Variants in ZEB2 observed in about 807,000 individuals in gnomAD.
ZEB2 encodes the protein zinc finger E-box-binding homeobox 2.
In ZEB2, 6 loss-of-function variants were observed where a neutral mutation model predicts 99.9. The ratio of observed to expected loss-of-function variants is 0.06; its 90% confidence interval spans 0.03 to 0.12. ZEB2 has a LOEUF of 0.12. ZEB2 is among the 10% of genes least tolerant of loss of function. The pLI, the probability that ZEB2 is intolerant of heterozygous loss-of-function variation, is 1.00. For synonymous variants in ZEB2, 517 were observed against 542.5 expected (o/e 0.95, Z 0.65); for missense variants, 969 against 1,502.8 (o/e 0.64, Z 5.87).
At chr2:144,430,791 A>AGT (rs1426625861) in intron 2 of ZEB2, 1 of 152,970 alleles carries the variant, frequency 6.5e-6, no homozygotes, top group East Asian at 1.9e-4. Context: ...AGCAATGCTC[A>AGT]GTAGCTTTTC....
chr2:144,410,851 C>T (rs1560612211), intron 4 of ZEB2, among the ~76,000 whole-genome samples: 1 of 151,220 alleles, frequency 6.6e-6, no homozygotes, highest in Non-Finnish European at 1.5e-5. Context: ...TTGGAAGGTA[C>T]AGAGGAGTTG....
chr2:144,468,803 T>C (rs10187371), intron 2 of ZEB2, among the ~76,000 whole-genome samples: 118,458 of 151,976 alleles, frequency 0.78, 46,579 homozygotes, highest in Non-Finnish European at 0.83. Flanking sequence ...CACCAGTGGC[T>C]CATTCCTGTT....
chr2:144,490,609 G>A (rs796393695), intron 2 of ZEB2, among the ~76,000 whole-genome samples: 2 of 152,256 alleles, frequency 1.3e-5, no homozygotes, highest in African/African-American at 4.8e-5. Context: ...TTACATCTGA[G>A]CCATAAAAAA....
At chr2:144,432,461 T>C (rs932749056) in intron 2 of ZEB2, among the ~76,000 whole-genome samples, 4 of 152,236 alleles carry the variant, frequency 2.6e-5, no homozygotes, top group African/African-American at 9.6e-5. Context: ...TAACATAGTT[T>C]TTATATCTGA....
intron 3 of ZEB2, chr2:144,429,321 CAG>C (rs2099416944): frequency 1.0e-5 from 2 of 192,478 alleles, no homozygotes; most frequent in Non-Finnish European, 2.2e-5. Context: ...AGGTGTCAGA[CAG>C]ACACTGAAGC....
intron 5 of ZEB2, 44 bp downstream of exon 5, chr2:144,404,792 C>T (rs766882315): frequency 6.2e-6 from 10 of 1,600,212 alleles, no homozygotes; most frequent in Non-Finnish European, 8.5e-6. Flanking sequence ...ATTGTAACAG[C>T]TGCAGAGGTC....
At chr2:144,438,807 T>C (rs1188187821) in intron 2 of ZEB2, among the ~76,000 whole-genome samples, 1 of 152,150 alleles carries the variant, frequency 6.6e-6, no homozygotes, top group East Asian at 1.9e-4. Flanking sequence ...TTATTTACTG[T>C]GTAGTATGTT....
chr2:144,469,609 A>T (rs1704327547), intron 2 of ZEB2, among the ~76,000 whole-genome samples: 1 of 152,192 alleles, frequency 6.6e-6, no homozygotes, highest in Admixed American at 6.6e-5. Flanking sequence ...GAAAAACACC[A>T]TCAGGCTGCT....
Position 144,384,172 on chromosome 2 carries a change from C to T in ZEB2, c.*5279G>A, listed in dbSNP as rs79726093. ...AATCTTTGTCATATTAATCTCAAGACCAAATCGGAACAGTAGTGTTCATTT... is the reference window on the plus strand; with the variant it reads ...AATCTTTGTCATATTAATCTCAAGATCAAATCGGAACAGTAGTGTTCATTT... On this transcript the variant is annotated 3_prime_UTR_variant, in exon 10 of 10. Transcript: ENST00000627532. 476 of 152,200 alleles carry T rather than the reference C, an allele frequency of 3.1e-3. 5 individuals carry two copies. The highest frequency in any genetic ancestry group is 0.011 in the African/African-American group (439 of 41,532). The allele number at this position is 152,200 out of a possible 1,614,324, so 9.4% of individuals were successfully genotyped here. A position where few individuals can be genotyped will look rare whatever the true frequency, so the allele number is the denominator to read the frequency against.
Position 144,385,840 on chromosome 2 carries a change from T to C in ZEB2, c.*3611A>G, listed in dbSNP as rs1703075268. The C allele has an allele frequency of 6.6e-6, 1 of 152,232 alleles. No individual in the cohort carries two copies. Among genetic ancestry groups the C allele is most frequent in the South Asian group, 2.1e-4 (1 of 4,834 alleles). The allele number at this position is 152,232 out of a possible 1,614,324, so 9.4% of individuals were successfully genotyped here. A position where few individuals can be genotyped will look rare whatever the true frequency, so the allele number is the denominator to read the frequency against. ...TAAAAAATGACCTTTTTAAAAGTTA[T>C]CTGATTGTGAAAAGTATCTAATACA... On this transcript the variant is annotated 3_prime_UTR_variant, in exon 10 of 10. Coordinates refer to ENST00000627532, the MANE Select transcript of ZEB2 (RefSeq NM_014795.4).
chr2:144,387,065 A>T lies in ZEB2; in HGVS notation c.*2386T>A, dbSNP rs1703095765. On this transcript the variant is annotated 3_prime_UTR_variant, in exon 10 of 10. Transcript: ENST00000627532. The stretch of plus-strand genomic sequence containing the variant: ...TGTGTGTATATATATATATATATAC[A>T]CACACACACATACACACTTTCTATT... 6.7e-6 allele frequency: 1 copy of T among 149,684 alleles called. No homozygotes were observed. The allele number at this position is 149,684 out of a possible 1,614,324, so 9.3% of individuals were successfully genotyped here.
intron 9 of ZEB2, among the ~76,000 whole-genome samples, chr2:144,395,383 G>GT (rs894409044): frequency 6.6e-6 from 1 of 151,686 alleles, no homozygotes; most frequent in Non-Finnish European, 1.5e-5. Flanking sequence ...CAAAGTGCTA[G>GT]TTTTTTTTCC....
chr2:144,388,485 T>G lies in ZEB2; in HGVS notation c.*966A>C, dbSNP rs1203715377. ...AAAATGAGCCACATAAATAAAATGT[T>G]ATTTGACCTAAAATTAAATGAATGC... On this transcript the variant is annotated 3_prime_UTR_variant, in exon 10 of 10. Transcript: ENST00000627532. This position sits in a 1 kb window ranked among gnomAD's most constrained non-coding sequence, Gnocchi z 5.4. 1 of 154,948 alleles carries G rather than the reference T, an allele frequency of 6.5e-6. No individual in the cohort carries two copies. The highest frequency in any genetic ancestry group is 1.4e-5 in the Non-Finnish European group (1 of 69,716). 9.6% of individuals were successfully genotyped at this position (154,948 alleles called of 1,614,324 possible). A position where few individuals can be genotyped will look rare whatever the true frequency, so the allele number is the denominator to read the frequency against.
chr2:144,433,266 T>C (rs1251462901), intron 2 of ZEB2, among the ~76,000 whole-genome samples: 1 of 152,172 alleles, frequency 6.6e-6, no homozygotes, highest in African/African-American at 2.4e-5. Flanking sequence ...AAAAACAGCA[T>C]CAGTATCCAA....
intron 2 of ZEB2, among the ~76,000 whole-genome samples, chr2:144,484,600 G>A (rs1573790923): frequency 6.6e-6 from 1 of 152,082 alleles, no homozygotes; most frequent in South Asian, 2.1e-4. Flanking sequence ...GCCACTGCTT[G>A]TGAAGCTAAA....
chr2:144,421,745 A>G (rs1040250687), intron 4 of ZEB2, among the ~76,000 whole-genome samples: 3 of 151,728 alleles, frequency 2.0e-5, no homozygotes, highest in Non-Finnish European at 1.5e-5. Flanking sequence ...TTGCTTCAAC[A>G]AATACACTCA....
chr2:144,513,056 C>G lies in ZEB2; in HGVS notation c.73+4222G>C, dbSNP rs147726332. The G allele has an allele frequency of 1.1e-5, 14 of 1,287,226 alleles. No homozygotes were observed. In the East Asian group the frequency reaches 7.2e-4, roughly 66 times the overall value. The allele number at this position is 1,287,226 out of a possible 1,614,324, so 79.7% of individuals were successfully genotyped here. The stretch of plus-strand genomic sequence containing the variant: ...AACTTCCTTGTCTAAGTGTGTATGA[C>G]TCTCGTTGCCCCATCCCAACTTCAC... On this transcript the variant is annotated intron_variant, in intron 2 of 9. Transcript: ENST00000627532.
chr2:144,465,997 C>A (rs1298070128), intron 2 of ZEB2, among the ~76,000 whole-genome samples: 1 of 152,152 alleles, frequency 6.6e-6, no homozygotes, highest in Non-Finnish European at 1.5e-5. Context: ...GCAGAACTTT[C>A]CAGTCAAGTG....
intron 1 of ZEB2, 82 bp from the exon 2 acceptor site, chr2:144,517,501 G>C (rs1176036353): frequency 7.6e-6 from 7 of 925,328 alleles, no homozygotes; most frequent in Admixed American, 4.0e-5. Flanking sequence ...AGCCGGGCCA[G>C]GGCCCCGGCG....
Sources: allele counts gnomAD v4.1 joint callset (sites outside exome capture counted in the v4.1 genomes callset), GRCh38; gene constraint gnomAD v4.1.1; non-coding constraint Gnocchi (gnomAD v3.1); transcripts MANE v1.5; gene names NCBI Gene and HGNC (gene_info 2026-07-23, HGNC 2026-07-21).